Variants in PARP2 observed in about 807,000 individuals in gnomAD.
PARP2 encodes poly [ADP-ribose] polymerase 2.
PARP2 carries 57 observed loss-of-function variants against 77.8 expected under a neutral mutation model. The ratio of observed to expected loss-of-function variants is 0.73; its 90% CI spans 0.59 to 0.91. The LOEUF (loss-of-function observed/expected upper bound fraction) is 0.91. PARP2 is among the 40% of genes least tolerant of loss of function. The pLI is 0.00. For synonymous variants in PARP2, 226 were observed against 242.6 expected (o/e 0.93, Z 0.64); for missense variants, 651 against 689.0 (o/e 0.94, Z 0.62).
chr14:20,348,397 T>G (rs1214414007), intron 4 of PARP2, among the ~76,000 whole-genome samples: 10 of 126,552 alleles, frequency 7.9e-5, no homozygotes, highest in Non-Finnish European at 1.6e-4. Flanking sequence ...AAATTTTGGG[T>G]TTTTTTTTTT....
In PARP2 at chr14:20,354,873, T is replaced by C; in HGVS notation, c.828T>C (p.Ile276=). The C allele has an allele frequency of 6.2e-7, 1 of 1,613,944 alleles. No individual in the cohort carries two copies. Among genetic ancestry groups the C allele is most frequent in the East Asian group, 2.2e-5 (1 of 44,878 alleles). The change falls in exon 9 of 16, where the codon ATT becomes ATC. Residue 276 remains isoleucine (I), a synonymous_variant. Transcript: ENST00000429687. ...CTCTTAAGAAGATTGAGGATTGTAT[T>C]CGGGCTGGCCAGCATGGACGAGCTC... ...YQSLKKIEDC[I]RAGQHGRALM...
chr14:20,345,152 C>T, intron 2 of PARP2, 65 bp downstream of exon 2: 2 of 1,557,026 alleles, frequency 1.3e-6, no homozygotes, highest in Non-Finnish European at 1.8e-6. Context: ...GGGATGATAT[C>T]TTGTTATTTC....
In PARP2 at chr14:20,345,411, C is replaced by T. The variant is rs1883678666; in HGVS notation, c.220C>T (p.Leu74=). 6.2e-7 allele frequency: 1 copy of T among 1,613,606 alleles called. No homozygotes were observed. The highest frequency in any genetic ancestry group is 1.1e-5 in the South Asian group (1 of 91,072). The part of the protein sequence containing the change: ...DKQDESVKAL[L]LKGKAPVDPE... ...TTCCTCAGAATCTGTGAAGGCCTTG[C>T]TGTTAAAGGGCAAAGCTCCTGTGGA... The change falls in exon 3 of 16, where the codon CTG becomes TTG. Residue 74 remains leucine, a synonymous_variant. Coordinates refer to ENST00000429687, the MANE Select transcript of PARP2 (RefSeq NM_001042618.2).
At position 20,354,796 on chromosome 14, in the gene PARP2, G is replaced by A; in HGVS notation, c.764-13G>A. On this transcript the variant is annotated splice_polypyrimidine_tract_variant and intron_variant, in intron 8 of 15. Transcript: ENST00000429687. ...ATCCTAGTTTGGAGTCTGATCTCTGGGTGGGCCTGCAGGGAAGCTGACAGT... is the reference window on the plus strand; with the variant it reads ...ATCCTAGTTTGGAGTCTGATCTCTGAGTGGGCCTGCAGGGAAGCTGACAGT... 1 of 1,607,088 alleles carries A rather than the reference G, an allele frequency of 6.2e-7. No homozygotes were observed. Among genetic ancestry groups the A allele is most frequent in the Non-Finnish European group, 8.5e-7 (1 of 1,176,922 alleles).
intron 4 of PARP2, among the ~76,000 whole-genome samples, chr14:20,349,570 G>T (rs1202280390): frequency 6.6e-6 from 1 of 151,918 alleles, no homozygotes; most frequent in Non-Finnish European, 1.5e-5. Context: ...CTACTAGGGA[G>T]GCTGAGGCAC....
At chr14:20,345,191 AT>A in intron 2 of PARP2, 104 bp downstream of exon 2, 3 of 1,321,610 alleles carry the variant, frequency 2.3e-6, no homozygotes, top group Non-Finnish European at 3.2e-6. Flanking sequence ...CTTTCAGGGA[AT>A]AATTAATTTC....
rs535184736 is a variant in PARP2 at position 20,352,360 on chromosome 14, A to G, written c.600+13A>G. ...CACCAATACTCAGGTAACTCTCACT[A>G]TACTTTTCGAAAGAAACACATCTTC... On this transcript the variant is annotated intron_variant, in intron 7 of 15. Transcript: ENST00000429687. 8 of 1,457,786 alleles carry G rather than the reference A, an allele frequency of 5.5e-6. No homozygotes were observed. In the South Asian group the frequency reaches 7.0e-5, roughly 13 times the overall value. 90.3% of individuals were successfully genotyped at this position (1,457,786 alleles called of 1,614,324 possible).
At position 20,354,234 on chromosome 14, in the gene PARP2, G is replaced by A. The variant is rs749373476; in HGVS notation, c.750G>A (p.Lys250=). 1.2e-6 allele frequency: 2 copies of A among 1,613,022 alleles called. No individual in the cohort carries two copies. Among genetic ancestry groups the A allele is most frequent in the Admixed American group, 3.3e-5 (2 of 59,902 alleles). Residue 250 remains lysine, a synonymous_variant, in exon 8 of 16, where the codon AAG becomes AAA. Coordinates refer to ENST00000429687, the MANE Select transcript of PARP2 (RefSeq NM_001042618.2). ...EMMMEMKYNT[K]KAPLGKLTVA... ...TGATGGAAATGAAGTATAATACCAA[G>A]AAAGCCCCACTTGGTAGGACTTCAC...
At position 20,344,998 on chromosome 14, in the gene PARP2, A is replaced by G; in HGVS notation, c.113A>G (p.Lys38Arg). The G allele has an allele frequency of 6.2e-7, 1 of 1,614,122 alleles. No individual in the cohort carries two copies. The highest frequency in any genetic ancestry group is 8.5e-7 in the Non-Finnish European group (1 of 1,179,960). The change falls in exon 2 of 16, where the codon AAA (lysine) becomes AGA (arginine). Residue 38 changes from lysine to arginine, a missense_variant. Transcript: ENST00000429687. ...TAPEDSSPAK[K>R]TRRCQRQESK... Reference sequence around the variant, plus strand: ...CCAGAAGACTCTTCCCCTGCCAAGAAAACTCGTAGATGCCAGAGACAGGAG... The same window carrying G: ...CCAGAAGACTCTTCCCCTGCCAAGAGAACTCGTAGATGCCAGAGACAGGAG...
At chr14:20,352,879 CTT>C (rs5807033) in intron 7 of PARP2, 220 of 142,620 alleles carry the variant, frequency 1.5e-3, no homozygotes, top group African/African-American at 4.1e-3. Flanking sequence ...TACTAAGGTT[CTT>C]TTTTTTTTTT....
intron 7 of PARP2, 102 bp downstream of exon 7, chr14:20,352,449 A>G (rs1461192176): frequency 2.9e-5 from 19 of 658,452 alleles, no homozygotes; most frequent in South Asian, 1.0e-4. Flanking sequence ...TGGCACAATC[A>G]TGGCTCACTG....
At chr14:20,343,778 C>T in intron 1 of PARP2, 91 bp downstream of exon 1, 1 of 1,381,992 alleles carries the variant, frequency 7.2e-7, no homozygotes, top group South Asian at 1.2e-5. Context: ...CCCCTTCCAG[C>T]TCCCTATAAC....
At chr14:20,347,356 G>GTGTGTGTATGTATA (rs1168423656) in intron 4 of PARP2, among the ~76,000 whole-genome samples, 1 of 29,560 alleles carries the variant, frequency 3.4e-5, no homozygotes, top group Non-Finnish European at 5.4e-5. Context: ...ATGTGTGTGT[G>GTGTGTGTATGTATA]TATATATATA....
intron 14 of PARP2, 26 bp from the exon 15 acceptor site, chr14:20,357,370 G>A: frequency 3.2e-6 from 5 of 1,581,038 alleles, no homozygotes; most frequent in Non-Finnish European, 4.3e-6. Context: ...TAGGATATGG[G>A]AATTCAAAGG....
In PARP2 at chr14:20,356,614, G is replaced by A. The variant is rs1189605011; in HGVS notation, c.1254G>A (p.Arg418=). 6.2e-7 allele frequency: 1 copy of A among 1,614,138 alleles called. No homozygotes were observed. Among genetic ancestry groups the A allele is most frequent in the South Asian group, 1.1e-5 (1 of 91,084 alleles). The part of the protein sequence containing the change: ...HNRMLLWHGS[R]MSNWVGILSH... ...GGATGCTTCTATGGCATGGTTCCAGGATGAGTAACTGGGTGGGAATCTTGA... is the reference window on the plus strand; with the variant it reads ...GGATGCTTCTATGGCATGGTTCCAGAATGAGTAACTGGGTGGGAATCTTGA... The change falls in exon 13 of 16, where the codon AGG becomes AGA. Residue 418 remains arginine (R), a synonymous_variant. Transcript: ENST00000429687.
intron 1 of PARP2, among the ~76,000 whole-genome samples, chr14:20,344,537 G>T (rs1048252697): frequency 5.9e-5 from 9 of 152,236 alleles, no homozygotes; most frequent in African/African-American, 2.2e-4. Context: ...ATCTTAAACC[G>T]GCGGGGTGAG....
chr14:20,351,942 A>AT (rs1883970174), intron 6 of PARP2, among the ~76,000 whole-genome samples: 1 of 152,218 alleles, frequency 6.6e-6, no homozygotes, highest in African/African-American at 2.4e-5. Context: ...AGAATTGGAG[A>AT]ACATGTTTCT....
At chr14:20,351,022 C>G in intron 5 of PARP2, 25 bp from the exon 6 acceptor site, 3 of 1,595,348 alleles carry the variant, frequency 1.9e-6, no homozygotes, top group Non-Finnish European at 2.6e-6. Context: ...AGGGAACTAT[C>G]TTATGTGTGG....
At chr14:20,348,951 G>A (rs1281041663) in intron 4 of PARP2, among the ~76,000 whole-genome samples, 3 of 151,902 alleles carry the variant, frequency 2.0e-5, no homozygotes, top group South Asian at 4.1e-4. Context: ...CCTGGGAGAC[G>A]GAGTTTGTGG....
Sources: gnomAD v4.1 joint callset for allele counts (sites outside exome capture counted in the v4.1 genomes callset) on GRCh38, gnomAD v4.1.1 for gene constraint, MANE v1.5 for transcripts, NCBI Gene and HGNC (gene_info 2026-07-23, HGNC 2026-07-21) for gene names.